Variants in BNC2 observed in about 807,000 individuals in gnomAD.
BNC2 encodes the protein basonuclin zinc finger protein 2.
BNC2 carries 20 observed loss-of-function variants against 76.3 expected under a neutral mutation model. The observed-to-expected ratio is 0.26, with a 90% CI of 0.18 to 0.38. The LOEUF is 0.38. BNC2 is among the 10% of genes least tolerant of loss of function. The pLI is 1.00. For missense variants in BNC2, 1,382 were observed against 1,399.8 expected, an observed-to-expected ratio of 0.99 and a Z score of 0.20; for synonymous variants, 582 against 514.8, an observed-to-expected ratio of 1.13 and a Z score of -1.77.
chr9:16,692,886 T>G (rs1314728561), intron 3 of BNC2, among the ~76,000 whole-genome samples: 1 of 151,856 alleles, frequency 6.6e-6, no homozygotes, highest in African/African-American at 2.4e-5. Flanking sequence ...TTCCAGCACT[T>G]TGGGGGGCCA....
chr9:16,501,799 A>C (rs984416009), intron 5 of BNC2, among the ~76,000 whole-genome samples: 1 of 152,156 alleles, frequency 6.6e-6, no homozygotes, highest in Non-Finnish European at 1.5e-5. Context: ...CACTCAAAGG[A>C]AGGTCAGGAA....
rs138047379 is a variant in BNC2, at chr9:16,668,551, C to A, written c.330+59246G>T. Reference sequence around the variant, plus strand: ...TTAAACAATTTTAAACCCCTCTAAGCTATGATTAGTTCAATGACTAGGCCT... The same window carrying A: ...TTAAACAATTTTAAACCCCTCTAAGATATGATTAGTTCAATGACTAGGCCT... On this transcript the variant is annotated intron_variant, in intron 3 of 6. Coordinates refer to ENST00000380672, the MANE Select transcript of BNC2 (RefSeq NM_017637.6). 8.1e-3 allele frequency among the ~76,000 whole-genome samples: 1,231 copies of A among 152,292 alleles called. 18 individuals are homozygous for A. The highest frequency in any genetic ancestry group is 0.027 in the African/African-American group (1,125 of 41,554).
intron 5 of BNC2, among the ~76,000 whole-genome samples, chr9:16,464,880 G>C (rs1014260583): frequency 3.3e-5 from 5 of 152,196 alleles, no homozygotes; most frequent in Non-Finnish European, 5.9e-5. Flanking sequence ...GATGGGTGAT[G>C]TCTGTGACTG....
At chr9:16,555,181 ACT>A (rs1818787143) in intron 4 of BNC2, among the ~76,000 whole-genome samples, 11 of 122,690 alleles carry the variant, frequency 9.0e-5, no homozygotes. Flanking sequence ...ACCACGCCTG[ACT>A]AATTTTTTTT....
At chr9:16,730,936 TAA>T (rs1223770413) in intron 2 of BNC2, among the ~76,000 whole-genome samples, 5 of 152,226 alleles carry the variant, frequency 3.3e-5, no homozygotes, top group African/African-American at 1.2e-4. Flanking sequence ...AATAAGATTT[TAA>T]GTTTCTCTAA....
intron 1 of BNC2, among the ~76,000 whole-genome samples, chr9:16,865,990 A>G (rs1819534858): frequency 2.0e-5 from 3 of 152,134 alleles, no homozygotes. Context: ...ACATAATGAG[A>G]GCTACTGTGC....
At chr9:16,749,390 G>C (rs1825114353) in intron 1 of BNC2, among the ~76,000 whole-genome samples, 1 of 152,130 alleles carries the variant, frequency 6.6e-6, no homozygotes, top group African/African-American at 2.4e-5. Context: ...AAAAGGCAAA[G>C]AGAAGAGAAC....
At chr9:16,788,638 G>T (rs1399023769) in intron 1 of BNC2, among the ~76,000 whole-genome samples, 1 of 151,970 alleles carries the variant, frequency 6.6e-6, no homozygotes, top group Admixed American at 6.6e-5. Flanking sequence ...AAGGCCTTGG[G>T]AGCAAATTCT....
chr9:16,585,586 C>T (rs774321292), intron 3 of BNC2, among the ~76,000 whole-genome samples: 24 of 151,986 alleles, frequency 1.6e-4, no homozygotes, highest in Admixed American at 3.3e-4. Context: ...AGACTATTGC[C>T]GCTTCAAAGG....
At chr9:16,586,672 T>G (rs1331800504) in intron 3 of BNC2, among the ~76,000 whole-genome samples, 1 of 152,216 alleles carries the variant, frequency 6.6e-6, no homozygotes. Context: ...CATTCTTTAA[T>G]TTGGCAACTT....
rs186223493 is a variant in BNC2, at chr9:16,737,163, T to G, written c.129+1197A>C. On this transcript the variant is annotated intron_variant, in intron 2 of 6. Transcript: ENST00000380672. ...CTCTATCGCCCAGGCTAGAGTGCAGTGCACAATCATAGCTCACTGGAACCT... is the reference window on the plus strand; with the variant it reads ...CTCTATCGCCCAGGCTAGAGTGCAGGGCACAATCATAGCTCACTGGAACCT... 8.6e-5 allele frequency among the ~76,000 whole-genome samples: 13 copies of G among 150,804 alleles called. No homozygotes were observed. The East Asian group carries it at 1.4e-3, about 16-fold the overall frequency.
chr9:16,461,261 G>A (rs1422385671), intron 5 of BNC2, among the ~76,000 whole-genome samples: 2 of 152,018 alleles, frequency 1.3e-5, no homozygotes, highest in Non-Finnish European at 2.9e-5. Context: ...TCTTTGTTGG[G>A]GCTGTGTGTG....
intron 3 of BNC2, among the ~76,000 whole-genome samples, chr9:16,666,180 C>A (rs1822283719): frequency 6.6e-6 from 1 of 152,016 alleles, no homozygotes; most frequent in South Asian, 2.1e-4. Flanking sequence ...CCATAAAATA[C>A]ATTTTTTTTT....
chr9:16,805,849 T>A lies in BNC2; in HGVS notation c.3+64797A>T, dbSNP rs893056431. Among the ~76,000 whole-genome samples, 7 of 152,286 alleles carry A rather than the reference T, an allele frequency of 4.6e-5. No homozygotes were observed. In the East Asian group the frequency reaches 9.6e-4, roughly 21 times the overall value. ...AAACACAGATGGGAATGTGAAAAGT[T>A]TGATGCTCAGGCATTAAATACTGAT... is the stretch of plus-strand genomic sequence containing the variant. On this transcript the variant is annotated intron_variant, in intron 1 of 6. Transcript: ENST00000380672.
At chr9:16,764,981 G>C (rs1049000235) in intron 1 of BNC2, among the ~76,000 whole-genome samples, 1 of 152,086 alleles carries the variant, frequency 6.6e-6, no homozygotes, top group Non-Finnish European at 1.5e-5. Context: ...GTAAGGATAC[G>C]AAACCCGCTG....
chr9:16,782,177 C>A (rs556672847), intron 1 of BNC2, among the ~76,000 whole-genome samples: 6 of 151,684 alleles, frequency 4.0e-5, no homozygotes, highest in Non-Finnish European at 7.4e-5. Flanking sequence ...CCCAGCTACT[C>A]GGGAGGCTGA....
chr9:16,845,136 G>A (rs1223060917), intron 1 of BNC2, among the ~76,000 whole-genome samples: 1 of 152,174 alleles, frequency 6.6e-6, no homozygotes, highest in Non-Finnish European at 1.5e-5. Context: ...GGCACTGCCA[G>A]GATGCCCCAT....
At chr9:16,529,517 AAC>A (rs1248799203) in intron 5 of BNC2, among the ~76,000 whole-genome samples, 2 of 152,190 alleles carry the variant, frequency 1.3e-5, no homozygotes, top group African/African-American at 4.8e-5. Context: ...AAAAACCAAT[AAC>A]ACATATTTAA....
chr9:16,831,629 A>G (rs987696768), intron 1 of BNC2, among the ~76,000 whole-genome samples: 5 of 152,184 alleles, frequency 3.3e-5, no homozygotes, highest in African/African-American at 4.8e-5. Flanking sequence ...ATGAAATTAA[A>G]CCTGGAGTCA....
Sources: gnomAD v4.1 joint callset for allele counts (sites outside exome capture counted in the v4.1 genomes callset) on GRCh38, gnomAD v4.1.1 for gene constraint, MANE v1.5 for transcripts, NCBI Gene and HGNC (gene_info 2026-07-23, HGNC 2026-07-21) for gene names.